SYT14: variants seen among roughly 807,000 people sequenced by gnomAD.
The protein encoded by SYT14 is synaptotagmin-14.
In SYT14, 32 loss-of-function variants were observed where a neutral mutation model predicts 74.2. That is an observed-to-expected ratio of 0.43 (90% CI 0.33 to 0.58). The LOEUF (loss-of-function observed/expected upper bound fraction) is 0.58. SYT14 is among the 20% of genes least tolerant of loss of function. The pLI is 0.05. For missense variants in SYT14, 791 were observed against 981.8 expected (o/e 0.81, Z 2.60); for synonymous variants, 298 against 337.7 (o/e 0.88, Z 1.29).
At chr1:210,131,162 A>G (rs920966019) in intron 7 of SYT14, among the ~76,000 whole-genome samples, 6 of 152,180 alleles carry the variant, frequency 3.9e-5, no homozygotes, top group African/African-American at 1.4e-4. Flanking sequence ...CAGTCAGTAA[A>G]TAATAGTTGT....
chr1:210,067,843 G>A (rs2081324859), intron 5 of SYT14, among the ~76,000 whole-genome samples: 1 of 151,822 alleles, frequency 6.6e-6, no homozygotes, highest in Non-Finnish European at 1.5e-5. Flanking sequence ...GGAATTGCTT[G>A]GAAATGATAT....
chr1:210,157,899 C>T (rs1278858838), intron 8 of SYT14, among the ~76,000 whole-genome samples: 1 of 151,776 alleles, frequency 6.6e-6, no homozygotes, highest in Non-Finnish European at 1.5e-5. Flanking sequence ...TGGGTTTGCC[C>T]CAAATAACAT....
At chr1:210,160,704 G>A in intron 9 of SYT14, 25 bp from the exon 9 acceptor site, 1 of 1,600,346 alleles carries the variant, frequency 6.2e-7, no homozygotes. Context: ...TGATATTTGT[G>A]ATACGTTGTC....
intron 5 of SYT14, among the ~76,000 whole-genome samples, chr1:210,052,066 T>C (rs1435901931): frequency 6.6e-6 from 1 of 152,190 alleles, no homozygotes; most frequent in Non-Finnish European, 1.5e-5. Flanking sequence ...GAACACACTG[T>C]TGTCGAATTG....
intron 4 of SYT14, among the ~76,000 whole-genome samples, chr1:210,019,306 G>A (rs920281481): frequency 2.0e-5 from 3 of 152,052 alleles, no homozygotes; most frequent in Admixed American, 2.0e-4. Context: ...CCCAGAAAGT[G>A]CTAACAGCTC....
chr1:209,953,723 A>G (rs1371441806), intron 2 of SYT14, among the ~76,000 whole-genome samples: 1 of 152,192 alleles, frequency 6.6e-6, no homozygotes, highest in African/African-American at 2.4e-5. Context: ...TATTGTTGAC[A>G]TGGTCATACT....
intron 7 of SYT14, among the ~76,000 whole-genome samples, chr1:210,108,922 G>A (rs1297027459): frequency 6.6e-6 from 1 of 152,106 alleles, no homozygotes; most frequent in Non-Finnish European, 1.5e-5. Flanking sequence ...TGATGTGGAA[G>A]GAGAAGGGTC....
intron 5 of SYT14, among the ~76,000 whole-genome samples, chr1:210,080,082 G>A (rs936077544): frequency 6.6e-6 from 1 of 152,140 alleles, no homozygotes; most frequent in Non-Finnish European, 1.5e-5. Flanking sequence ...GAAGTTTTCT[G>A]AGGAATACCA....
At chr1:210,067,657 C>G (rs912380749) in intron 5 of SYT14, among the ~76,000 whole-genome samples, 1 of 151,828 alleles carries the variant, frequency 6.6e-6, no homozygotes, top group Non-Finnish European at 1.5e-5. Context: ...AAAATTTACC[C>G]TCCCATTAAC....
intron 2 of SYT14, among the ~76,000 whole-genome samples, chr1:209,973,983 G>A (rs1350690472): frequency 1.3e-5 from 2 of 151,916 alleles, no homozygotes; most frequent in African/African-American, 2.4e-5. Context: ...ATTTTTTCAT[G>A]TGTCTTTTGG....
intron 5 of SYT14, among the ~76,000 whole-genome samples, chr1:210,081,697 G>GA (rs2081618987): frequency 6.6e-6 from 1 of 152,108 alleles, no homozygotes; most frequent in Admixed American, 6.5e-5. Context: ...ATGTGATATA[G>GA]AATAAACACA....
At chr1:210,169,133 C>T (rs936068372) in exon 10 of SYT14, 3 of 150,902 alleles carry the variant, frequency 2.0e-5, no homozygotes, top group Non-Finnish European at 2.9e-5. Flanking sequence ...GTTGCTGTAA[C>T]CAGGTGATTT....
chr1:210,055,264 A>G (rs2081073995), intron 5 of SYT14, among the ~76,000 whole-genome samples: 1 of 152,218 alleles, frequency 6.6e-6, no homozygotes, highest in South Asian at 2.1e-4. Context: ...CTTGCCCTAA[A>G]GAGTTAGTGT....
At chr1:210,045,670 G>T (rs529592285) in intron 5 of SYT14, among the ~76,000 whole-genome samples, 75 of 152,198 alleles carry the variant, frequency 4.9e-4, no homozygotes, top group African/African-American at 1.7e-3. Flanking sequence ...CTTTCATTTA[G>T]AATAACATTT....
At chr1:210,035,858 CT>C (rs2080649983) in intron 5 of SYT14, among the ~76,000 whole-genome samples, 1 of 151,902 alleles carries the variant, frequency 6.6e-6, no homozygotes, top group Admixed American at 6.6e-5. Flanking sequence ...TAGCTTTGTT[CT>C]TTTGCTTAAG....
At chr1:210,074,264 A>G (rs1235895034) in intron 5 of SYT14, among the ~76,000 whole-genome samples, 1 of 152,226 alleles carries the variant, frequency 6.6e-6, no homozygotes, top group Non-Finnish European at 1.5e-5. Flanking sequence ...TTCAAAAATT[A>G]CAATAAGGTT....
intron 5 of SYT14, among the ~76,000 whole-genome samples, chr1:210,087,345 G>T (rs750541248): frequency 6.6e-6 from 1 of 152,180 alleles, no homozygotes; most frequent in African/African-American, 2.4e-5. Context: ...ATACCCCTGT[G>T]TGTGGCACCC....
chr1:210,133,362 A>G (rs2082715913), intron 7 of SYT14, among the ~76,000 whole-genome samples: 1 of 152,236 alleles, frequency 6.6e-6, no homozygotes, highest in African/African-American at 2.4e-5. Flanking sequence ...AATTTATACC[A>G]GAAGCTATTA....
At chr1:210,073,180 T>A (rs530161659) in intron 5 of SYT14, among the ~76,000 whole-genome samples, 1 of 152,116 alleles carries the variant, frequency 6.6e-6, no homozygotes, top group African/African-American at 2.4e-5. Context: ...ATAATAAATT[T>A]CAATGGTAAG....
Sources: gnomAD v4.1 joint callset for allele counts (sites outside exome capture counted in the v4.1 genomes callset) on GRCh38, gnomAD v4.1.1 for gene constraint, MANE v1.5 for transcripts, NCBI Gene and HGNC (gene_info 2026-07-23, HGNC 2026-07-21) for gene names.